Variants in CHST6 observed in about 807,000 individuals in gnomAD.
CHST6 encodes the protein N-acetylglucosamine 6-O-sulfotransferase 5.
For missense variants in CHST6, 698 were observed against 586.2 expected, an observed-to-expected ratio of 1.19 and a Z score of -1.97; for synonymous variants, 309 against 276.4, an observed-to-expected ratio of 1.12 and a Z score of -1.17.
Position 75,475,039 on chromosome 16 carries a change from G to A in CHST6, c.*3602C>T, listed in dbSNP as rs576234551. 12 of 193,938 alleles carry A rather than the reference G, an allele frequency of 6.2e-5. No individual in the cohort carries two copies. The East Asian group carries it at 1.1e-3, about 18-fold the overall frequency. 12.0% of individuals were successfully genotyped at this position (193,938 alleles called of 1,614,324 possible). A position where few individuals can be genotyped will look rare whatever the true frequency, so the allele number is the denominator to read the frequency against. On this transcript the variant is annotated 3_prime_UTR_variant, in exon 3 of 3. Transcript: ENST00000332272. ...TCAAACTCCTGACCTCAAGTAATCC[G>A]CACACCTCAACCTCCCAAAATGCTG...
chr16:75,479,927 G>T (rs1294963652), intron 2 of CHST6, 83 bp from the exon 3 acceptor site: 2 of 1,200,280 alleles, frequency 1.7e-6, no homozygotes, highest in African/African-American at 1.5e-5. Context: ...GCAGGGGGCA[G>T]ATTCTACCAC....
rs886052320 is a variant in CHST6 at position 75,478,400 on chromosome 16, G to A, written c.*241C>T. On this transcript the variant is annotated 3_prime_UTR_variant, in exon 3 of 3. Coordinates refer to ENST00000332272, the MANE Select transcript of CHST6 (RefSeq NM_021615.5). ...CGCACACCCTGTGCCCAGAGGAGGA[G>A]GGGCAAGAGTTGCTTTCCATGAAGA... 5.6e-5 allele frequency: 31 copies of A among 553,318 alleles called. No individual in the cohort carries two copies. The Middle Eastern group carries it at 3.9e-3, about 70-fold the overall frequency. 34.3% of individuals were successfully genotyped at this position (553,318 alleles called of 1,614,324 possible). A position where few individuals can be genotyped will look rare whatever the true frequency, so the allele number is the denominator to read the frequency against.
At position 75,479,129 on chromosome 16, in the gene CHST6, C is replaced by T; in HGVS notation, c.700G>A (p.Glu234Lys). 1.2e-6 allele frequency: 2 copies of T among 1,606,222 alleles called. No individual in the cohort carries two copies. The highest frequency in any genetic ancestry group is 1.7e-6 in the Non-Finnish European group (2 of 1,178,774). The change falls in exon 3 of 3, where the codon GAG becomes AAG. Residue 234 changes from glutamate (E) to lysine (K), a missense_variant. Coordinates refer to ENST00000332272, the MANE Select transcript of CHST6 (RefSeq NM_021615.5). Reference protein sequence around the residue: ...IVLGTNGTWVEADPGLRVVRE... With the variant: ...IVLGTNGTWVKADPGLRVVRE... ...ACCACGCGCAGGCCGGGGTCGGCCT[C>T]CACCCACGTGCCGTTGGTGCCCAGC...
chr16:75,485,242 T>G (rs1021993513), intron 1 of CHST6, among the ~76,000 whole-genome samples: 1 of 152,230 alleles, frequency 6.6e-6, no homozygotes, highest in Admixed American at 6.5e-5. Context: ...GAAACTTTTT[T>G]TGACATTAAC....
chr16:75,478,140 C>T lies in CHST6; in HGVS notation c.*501G>A, dbSNP rs1597470774. On this transcript the variant is annotated 3_prime_UTR_variant, in exon 3 of 3. Transcript: ENST00000332272. ...GACCCAGAGCAAAAGCTCTCTCCTC[C>T]CTTCATCCTCCTTCTCACCATGTGA... is the stretch of plus-strand genomic sequence containing the variant. 1 of 194,654 alleles carries T rather than the reference C, an allele frequency of 5.1e-6. No homozygotes were observed. Among genetic ancestry groups the T allele is most frequent in the East Asian group, 1.3e-4 (1 of 7,968 alleles). The allele number at this position is 194,654 out of a possible 1,614,324, so 12.1% of individuals were successfully genotyped here.
chr16:75,487,409 A>G (rs1346861622), intron 1 of CHST6, among the ~76,000 whole-genome samples: 1 of 152,112 alleles, frequency 6.6e-6, no homozygotes, highest in African/African-American at 2.4e-5. Flanking sequence ...TCACACCTGT[A>G]ATACCAGCAT....
intron 1 of CHST6, among the ~76,000 whole-genome samples, chr16:75,484,789 A>C (rs1004454872): frequency 2.0e-5 from 3 of 152,172 alleles, no homozygotes; most frequent in African/African-American, 7.2e-5. Context: ...GGTTGCAGTG[A>C]GCTGAGATTG....
chr16:75,491,613 G>A (rs537693821), intron 1 of CHST6, among the ~76,000 whole-genome samples: 20 of 152,150 alleles, frequency 1.3e-4, no homozygotes, highest in Admixed American at 5.9e-4. Context: ...CTCGTGATCC[G>A]CCTGCCTCAG....
intron 1 of CHST6, chr16:75,490,919 G>C (rs1267652201): frequency 6.6e-6 from 1 of 151,984 alleles, no homozygotes; most frequent in African/African-American, 2.4e-5. Context: ...ACAATTATCT[G>C]CAATAAAAAA....
intron 2 of CHST6, 112 bp downstream of exon 2, chr16:75,481,705 T>G (rs927131259): frequency 1.3e-5 from 5 of 397,968 alleles, no homozygotes; most frequent in African/African-American, 2.1e-5. Context: ...AGGGAGGATG[T>G]CCTGGAGCCC....
chr16:75,482,343 G>T (rs2080151243), intron 1 of CHST6, among the ~76,000 whole-genome samples: 1 of 152,192 alleles, frequency 6.6e-6, no homozygotes. Flanking sequence ...GAGGTTGGGA[G>T]TTTGAGACCA....
At chr16:75,482,732 T>C (rs2738813) in intron 1 of CHST6, among the ~76,000 whole-genome samples, 101,372 of 151,764 alleles carry the variant, frequency 0.67, 33,930 homozygotes, top group Admixed American at 0.74. Context: ...CCTTTGCTCC[T>C]TGCCTGCCCC....
Position 75,478,957 on chromosome 16 carries a change from G to A in CHST6, c.872C>T (p.Thr291Ile). 1 of 1,613,086 alleles carries A rather than the reference G, an allele frequency of 6.2e-7. No homozygotes were observed. Among genetic ancestry groups the A allele is most frequent in the South Asian group, 1.1e-5 (1 of 91,090 alleles). The change falls in exon 3 of 3, where the codon ACT becomes ATT. Residue 291 changes from threonine (T) to isoleucine (I), a missense_variant. Coordinates refer to ENST00000332272, the MANE Select transcript of CHST6 (RefSeq NM_021615.5). ...GAGCTGTGGCGTGAGACTGAGCCCA[G>A]TGAAGGCGTAGAGCGCACGGATTTC... ...LAEIRALYAF[T>I]GLSLTPQLEA...
At position 75,478,627 on chromosome 16, in the gene CHST6, A is replaced by T; in HGVS notation, c.*14T>A. ...TCCTCCCGGGCCTAGCGCCTGCTAC[A>T]ACTGTGGCCTCCACTAATTTCGGGG... On this transcript the variant is annotated 3_prime_UTR_variant, in exon 3 of 3. Coordinates refer to ENST00000332272, the MANE Select transcript of CHST6 (RefSeq NM_021615.5). 1 of 1,612,184 alleles carries T rather than the reference A, an allele frequency of 6.2e-7. No individual in the cohort carries two copies. The highest frequency in any genetic ancestry group is 8.5e-7 in the Non-Finnish European group (1 of 1,179,186).
At chr16:75,483,070 C>T (rs986599433) in intron 1 of CHST6, among the ~76,000 whole-genome samples, 7 of 152,254 alleles carry the variant, frequency 4.6e-5, no homozygotes, top group South Asian at 2.1e-4. Flanking sequence ...TTCAAGTCCA[C>T]GCGATGACTT....
intron 1 of CHST6, among the ~76,000 whole-genome samples, chr16:75,491,042 C>A (rs528598366): frequency 6.6e-6 from 1 of 150,824 alleles, no homozygotes; most frequent in African/African-American, 2.4e-5. Flanking sequence ...GTGGCTCACG[C>A]ATGTAATCCC....
In CHST6 at chr16:75,479,280, C is replaced by T. The variant is rs748164041; in HGVS notation, c.549G>A (p.Val183=). The part of the protein sequence containing the change: ...LKEVRFFNLQ[V]LYPLLSDPAL... The stretch of plus-strand genomic sequence containing the variant: ...CGGGGTCGCTGAGCAGCGGGTAGAG[C>T]ACCTGCAGGTTGAAGAAGCGCACCT... The change falls in exon 3 of 3, where the codon GTG becomes GTA. Residue 183 remains valine (V), a synonymous_variant. Coordinates refer to ENST00000332272, the MANE Select transcript of CHST6 (RefSeq NM_021615.5). The T allele has an allele frequency of 6.2e-7, 1 of 1,613,012 alleles. No individual in the cohort carries two copies. Among genetic ancestry groups the T allele is most frequent in the Non-Finnish European group, 8.5e-7 (1 of 1,179,786 alleles).
chr16:75,479,646 G>T lies in CHST6; in HGVS notation c.183C>A (p.Asn61Lys). 1.9e-6 allele frequency: 3 copies of T among 1,612,740 alleles called. No homozygotes were observed. Among genetic ancestry groups the T allele is most frequent in the Non-Finnish European group, 2.5e-6 (3 of 1,179,774 alleles). ...SGSSFVGQLF[N>K]QHPDVFYLME... ...TTAGGTAGAAGACGTCGGGGTGCTGGTTGAAGAGTTGGCCCACGAAGGACG... is the reference window on the plus strand; with the variant it reads ...TTAGGTAGAAGACGTCGGGGTGCTGTTTGAAGAGTTGGCCCACGAAGGACG... The change falls in exon 3 of 3, where the codon AAC becomes AAA. Residue 61 changes from asparagine (N) to lysine (K), a missense_variant. Transcript: ENST00000332272.
At position 75,478,610 on chromosome 16, in the gene CHST6, G is replaced by T. The variant is rs762454816; in HGVS notation, c.*31C>A. ...CTCTGCACCATGCACTCTCCTCCCG[G>T]GCCTAGCGCCTGCTACAACTGTGGC... On this transcript the variant is annotated 3_prime_UTR_variant, in exon 3 of 3. Coordinates refer to ENST00000332272, the MANE Select transcript of CHST6 (RefSeq NM_021615.5). 6.2e-7 allele frequency: 1 copy of T among 1,608,710 alleles called. No homozygotes were observed. Among genetic ancestry groups the T allele is most frequent in the South Asian group, 1.1e-5 (1 of 90,986 alleles).
Sources: allele counts gnomAD v4.1 joint callset (sites outside exome capture counted in the v4.1 genomes callset), GRCh38; gene constraint gnomAD v4.1.1; transcripts MANE v1.5; gene names NCBI Gene and HGNC (gene_info 2026-07-23, HGNC 2026-07-21).